The following MID1 variants were observed in gnomAD, a reference collection of about 807,000 sequenced individuals.
MID1 encodes midline 1, also known as E3 ubiquitin-protein ligase Midline-1.
A neutral mutation model predicts 40.4 loss-of-function variants in MID1; 7 were observed. The ratio of observed to expected loss-of-function variants is 0.17; its 90% CI spans 0.10 to 0.33. MID1 has a LOEUF of 0.33. Ranked by LOEUF, MID1 falls within the 10% of genes least tolerant of loss-of-function variation. MID1 has a pLI of 1.00. For synonymous variants in MID1, 229 were observed against 221.2 expected, an observed-to-expected ratio of 1.04 and a Z score of -0.31; for missense variants, 367 against 558.5, an observed-to-expected ratio of 0.66 and a Z score of 3.46.
intron 4 of MID1, among the ~76,000 whole-genome samples, chrX:10,489,991 G>A (rs1224251250): frequency 9.0e-6 from 1 of 111,380 alleles, no homozygotes; most frequent in Non-Finnish European, 1.9e-5. Flanking sequence ...CACCGCACCC[G>A]GTCTATTTTT....
intron 1 of MID1, among the ~76,000 whole-genome samples, chrX:10,588,947 CAT>C (rs1257927673): frequency 9.0e-6 from 1 of 111,655 alleles, no homozygotes; most frequent in Non-Finnish European, 1.9e-5. Flanking sequence ...CATAGTACTC[CAT>C]AGTCTTCCTT....
chrX:10,458,728 C>T (rs964387419), intron 8 of MID1, among the ~76,000 whole-genome samples: 4 of 111,684 alleles, frequency 3.6e-5, no homozygotes, highest in Non-Finnish European at 5.6e-5. Context: ...TGTTCTTCCT[C>T]TAGGATCCAA....
At chrX:10,497,742 A>C (rs776723086) in intron 3 of MID1, among the ~76,000 whole-genome samples, 39 of 111,602 alleles carry the variant, frequency 3.5e-4, no homozygotes, top group African/African-American at 1.2e-3. Flanking sequence ...CAGACCCCAC[A>C]CTTGAAAAGT....
intron 4 of MID1, among the ~76,000 whole-genome samples, chrX:10,483,893 A>C (rs1167581006): frequency 1.8e-5 from 2 of 112,312 alleles, no homozygotes; most frequent in Non-Finnish European, 1.9e-5. Flanking sequence ...AGCAGGCACA[A>C]GATTTCAGGC....
At chrX:10,547,770 T>A (rs757555060) in intron 2 of MID1, among the ~76,000 whole-genome samples, 3 of 111,297 alleles carry the variant, frequency 2.7e-5, no homozygotes, top group African/African-American at 9.8e-5. Context: ...AAATAAGCCA[T>A]GAAAAGCAGT....
At chrX:10,776,132 C>T (rs889516053) in intron 1 of MID1, among the ~76,000 whole-genome samples, 2 of 112,176 alleles carry the variant, frequency 1.8e-5, no homozygotes, top group Non-Finnish European at 3.8e-5. Context: ...CCATAAATTG[C>T]TCTTACGTAG....
At chrX:10,743,037 A>C (rs1181844176) in intron 1 of MID1, among the ~76,000 whole-genome samples, 1 of 112,894 alleles carries the variant, frequency 8.9e-6, no homozygotes, top group African/African-American at 3.2e-5. Flanking sequence ...GTTACTTGAA[A>C]TTAAAAGCTC....
At chrX:10,623,003 G>A (rs1426351514), upstream of MID1, among the ~76,000 whole-genome samples, 2 of 105,802 alleles carry the variant, frequency 1.9e-5, no homozygotes, top group African/African-American at 7.0e-5. Flanking sequence ...TAGAACTTTT[G>A]AAGGCCGAGG....
intron 1 of MID1, among the ~76,000 whole-genome samples, chrX:10,804,283 A>G (rs956829888): frequency 7.1e-5 from 8 of 112,487 alleles, no homozygotes; most frequent in African/African-American, 2.6e-4. Context: ...ATCTGGTTCT[A>G]ATGCTTGCTT....
chrX:10,475,336 T>C, intron 5 of MID1: 1 of 283,731 alleles, frequency 3.5e-6, no homozygotes, highest in Non-Finnish European at 6.7e-6. Flanking sequence ...GTATTCATTT[T>C]CTTGCACCAT....
At chrX:10,809,606 G>T (rs1427253877) in intron 1 of MID1, among the ~76,000 whole-genome samples, 3 of 111,417 alleles carry the variant, frequency 2.7e-5, no homozygotes, top group South Asian at 3.8e-4. Flanking sequence ...CCATAAAAAA[G>T]GATGAGTTCA....
chrX:10,606,692 T>C (rs1473357914), intron 1 of MID1, among the ~76,000 whole-genome samples: 1 of 112,276 alleles, frequency 8.9e-6, no homozygotes, highest in African/African-American at 3.2e-5. Flanking sequence ...AAACCAGGTA[T>C]GCATGAAGTT....
At position 10,449,528 on chromosome X, in the gene MID1, A is replaced by G; in HGVS notation, c.1844T>C (p.Ile615Thr). 2.5e-6 allele frequency: 3 copies of G among 1,211,936 alleles called. No homozygotes were observed. Among genetic ancestry groups the G allele is most frequent in the Non-Finnish European group, 3.3e-6 (3 of 895,569 alleles). The change falls in exon 10 of 10, where the codon ATC (isoleucine) becomes ACC (threonine). Residue 615 changes from isoleucine to threonine, a missense_variant. Around this residue, in one of 3 missense-constraint regions of MID1, gnomAD observed 275 missense variants for 383.1 expected, o/e 0.72. Transcript: ENST00000317552. ...GILLDYDNGS[I>T]AFYDALNSIH... ...GGAGTTCAAAGCATCATAAAAGGCG[A>G]TAGAGCCGTTATCATAGTCCAGCAG...
intron 6 of MID1, among the ~76,000 whole-genome samples, chrX:10,473,477 C>T (rs1162797536): frequency 8.9e-6 from 1 of 111,919 alleles, no homozygotes; most frequent in Non-Finnish European, 1.9e-5. Context: ...ATTGGGTCCT[C>T]GCAAAGAAAA....
At chrX:10,803,904 A>C (rs2044026450) in intron 1 of MID1, among the ~76,000 whole-genome samples, 1 of 109,960 alleles carries the variant, frequency 9.1e-6, no homozygotes, top group Non-Finnish European at 1.9e-5. Flanking sequence ...TGTATGTTAT[A>C]CCTTTTGTGT....
chrX:10,581,140 T>G (rs746447260), intron 1 of MID1, among the ~76,000 whole-genome samples: 70 of 109,929 alleles, frequency 6.4e-4, no homozygotes, highest in Non-Finnish European at 1.1e-3. Flanking sequence ...TCCCAGCTAC[T>G]CGGGAGGCTG....
At chrX:10,533,318 AGAAAGAAAG>A (rs1284250154) in intron 2 of MID1, among the ~76,000 whole-genome samples, 14 of 83,960 alleles carry the variant, frequency 1.7e-4, no homozygotes, top group Non-Finnish European at 3.2e-4. Flanking sequence ...CAAGAAAGAA[AGAAAGAAAG>A]GAAAGAAAGA....
At chrX:10,597,421 T>C (rs1003056137) in intron 1 of MID1, among the ~76,000 whole-genome samples, 2 of 112,151 alleles carry the variant, frequency 1.8e-5, no homozygotes, top group African/African-American at 6.5e-5. Context: ...ATAGACTATA[T>C]AAGCTGAAGA....
intron 1 of MID1, among the ~76,000 whole-genome samples, chrX:10,822,246 T>C (rs1474387022): frequency 2.7e-5 from 3 of 111,130 alleles, no homozygotes; most frequent in African/African-American, 9.8e-5. Flanking sequence ...GCGGAAAGGA[T>C]TTTCTATTTA....
Sources: allele counts gnomAD v4.1 joint callset (sites outside exome capture counted in the v4.1 genomes callset), GRCh38; gene constraint gnomAD v4.1.1; regional missense constraint gnomAD v4.1.1; transcripts MANE v1.5; gene names NCBI Gene and HGNC (gene_info 2026-07-23, HGNC 2026-07-21).